Variants in FEZ1 observed in about 807,000 individuals in gnomAD.
The protein encoded by FEZ1 is fasciculation and elongation protein zeta-1.
Under a neutral mutation model 49.3 loss-of-function variants are expected in FEZ1, and 20 were observed. That is an observed-to-expected ratio of 0.41 (90% CI 0.29 to 0.59). The LOEUF (loss-of-function observed/expected upper bound fraction) is 0.59. Among genes scored for constraint, FEZ1 ranks in the 20% least tolerant of loss-of-function variants. The pLI, the probability that FEZ1 is intolerant of heterozygous loss-of-function variation, is 0.36. For synonymous variants in FEZ1, 170 were observed against 180.9 expected (o/e 0.94, Z 0.48); for missense variants, 413 against 476.0 (o/e 0.87, Z 1.23).
In FEZ1 at chr11:125,484,927, G is replaced by C. The variant is rs147380933; in HGVS notation, c.312-3294C>G. ...CCAGGGCAGGGGGAAACAGCTTTCT[G>C]TGAGGAAGAGAAAGGGAAGGGCTGT... is the stretch of plus-strand genomic sequence containing the variant. On this transcript the variant is annotated intron_variant, in intron 2 of 9. Coordinates refer to ENST00000278919, the MANE Select transcript of FEZ1 (RefSeq NM_005103.5). Among the ~76,000 whole-genome samples the C allele has an allele frequency of 6.3e-3, 964 of 152,256 alleles. 6 individuals carry two copies. The highest frequency in any genetic ancestry group is 0.01 in the Non-Finnish European group (708 of 68,016).
chr11:125,461,797 G>A (rs1957078057), intron 4 of FEZ1, among the ~76,000 whole-genome samples: 1 of 152,152 alleles, frequency 6.6e-6, no homozygotes, highest in African/African-American at 2.4e-5. Context: ...ACAGTGGGCT[G>A]GACCAAAGGT....
At chr11:125,493,425 GGAAAGAAGGAAAGAAGGAA>G (rs1957412432) in intron 1 of FEZ1, among the ~76,000 whole-genome samples, 1 of 35,112 alleles carries the variant, frequency 2.8e-5, no homozygotes, top group African/African-American at 1.6e-4. Context: ...AAAGAAAGAA[GGAAAGAAGGAAAGAAGGAA>G]AGAAGGAAAG....
In FEZ1 at chr11:125,495,106, C is replaced by T; in HGVS notation, c.-46+1015G>A. 2.9e-6 allele frequency: 1 copy of T among 345,304 alleles called. No individual in the cohort carries two copies. The highest frequency in any genetic ancestry group is 2.2e-5 in the South Asian group (1 of 45,504). 21.4% of individuals were successfully genotyped at this position (345,304 alleles called of 1,614,324 possible). A position where few individuals can be genotyped will look rare whatever the true frequency, so the allele number is the denominator to read the frequency against. ...GTTGCATATGGATCAGCAACCCCTT[C>T]GCGGTTCTGCTTGCTCCCCTCCCCC... On this transcript the variant is annotated intron_variant, in intron 1 of 9. Coordinates refer to ENST00000278919, the MANE Select transcript of FEZ1 (RefSeq NM_005103.5). This position sits in a 1 kb window ranked among gnomAD's most constrained non-coding sequence, Gnocchi z 4.2.
chr11:125,479,683 T>A (rs193095717), intron 3 of FEZ1, among the ~76,000 whole-genome samples: 9 of 152,334 alleles, frequency 5.9e-5, no homozygotes, highest in Non-Finnish European at 8.8e-5. Context: ...GGGAGCACTT[T>A]AGACCCTTCT....
chr11:125,453,677 A>C (rs1356552236), intron 7 of FEZ1: 1 of 153,218 alleles, frequency 6.5e-6, no homozygotes, highest in African/African-American at 2.4e-5. Flanking sequence ...GCTATGTCAC[A>C]GGGAAATTAC....
intron 9 of FEZ1, among the ~76,000 whole-genome samples, chr11:125,447,124 T>C (rs749713391): frequency 3.3e-5 from 5 of 152,034 alleles, no homozygotes; most frequent in Non-Finnish European, 7.3e-5. Context: ...GGAAAGACAA[T>C]CAGACAATAT....
intron 2 of FEZ1, among the ~76,000 whole-genome samples, chr11:125,484,351 G>A (rs975977335): frequency 3.3e-5 from 5 of 152,202 alleles, no homozygotes; most frequent in African/African-American, 9.6e-5. Flanking sequence ...TGGTAAAAGT[G>A]GGATTTGAAC....
intron 2 of FEZ1, among the ~76,000 whole-genome samples, chr11:125,487,825 G>A (rs940131064): frequency 6.6e-6 from 1 of 152,206 alleles, no homozygotes; most frequent in Admixed American, 6.5e-5. Flanking sequence ...CAGTGGGGCT[G>A]TAAGAGTGAA....
At position 125,442,881 on chromosome 11, in the gene FEZ1, G is replaced by GCAC. The variant is rs1226079645; in HGVS notation, c.*3213_*3214insGTG. On this transcript the variant is annotated 3_prime_UTR_variant, in exon 10 of 10. Transcript: ENST00000278919. The stretch of plus-strand genomic sequence containing the variant: ...TCCCAAGTAAGCTGGGACTACAGGC[G>GCAC]TGCACCACTACAGCTGGCTAATTTT... Among the ~76,000 whole-genome samples, 1 of 151,842 alleles carries GCAC rather than the reference G, an allele frequency of 6.6e-6. No homozygotes were observed. The highest frequency in any genetic ancestry group is 1.5e-5 in the Non-Finnish European group (1 of 67,962).
In FEZ1 at chr11:125,489,086, T is replaced by C; in HGVS notation, c.311+381A>G. 1.0e-6 allele frequency: 1 copy of C among 990,428 alleles called. No homozygotes were observed. Among genetic ancestry groups the C allele is most frequent in the Non-Finnish European group, 1.2e-6 (1 of 833,476 alleles). The allele number at this position is 990,428 out of a possible 1,614,324, so 61.4% of individuals were successfully genotyped here. A position where few individuals can be genotyped will look rare whatever the true frequency, so the allele number is the denominator to read the frequency against. On this transcript the variant is annotated intron_variant, in intron 2 of 9. Transcript: ENST00000278919. This position sits in a 1 kb window ranked among gnomAD's most constrained non-coding sequence, Gnocchi z 4.2. ...AATTCTGGTGTTTCTTGAAGCAAAT[T>C]AGTCCAATAACATAGATTCATCCAT...
In FEZ1 at chr11:125,482,702, C is replaced by T. The variant is rs568546931; in HGVS notation, c.312-1069G>A. 5.9e-5 allele frequency among the ~76,000 whole-genome samples: 9 copies of T among 152,204 alleles called. 1 individual carries two copies. The highest frequency in any genetic ancestry group is 4.2e-4 in the South Asian group (2 of 4,814). ...TAATGAGGCCGGGCGCGATGGCTCACGCCTGAAATCCAGCACTTTGGAAGG... is the reference window on the plus strand; with the variant it reads ...TAATGAGGCCGGGCGCGATGGCTCATGCCTGAAATCCAGCACTTTGGAAGG... On this transcript the variant is annotated intron_variant, in intron 2 of 9. Coordinates refer to ENST00000278919, the MANE Select transcript of FEZ1 (RefSeq NM_005103.5).
chr11:125,453,342 C>G (rs1290889528), intron 7 of FEZ1: 1 of 152,200 alleles, frequency 6.6e-6, no homozygotes, highest in South Asian at 2.1e-4. Context: ...CCATAGTTCT[C>G]ACTGCCATAA....
intron 3 of FEZ1, among the ~76,000 whole-genome samples, chr11:125,467,995 A>G (rs1748825734): frequency 6.6e-6 from 1 of 152,198 alleles, no homozygotes; most frequent in South Asian, 2.1e-4. Context: ...AGCCCCAGTA[A>G]AAGTGGTAAA....
intron 1 of FEZ1, among the ~76,000 whole-genome samples, chr11:125,490,097 G>A (rs1043702632): frequency 2.6e-5 from 4 of 152,180 alleles, no homozygotes; most frequent in Non-Finnish European, 5.9e-5. Flanking sequence ...GACTAAAGGA[G>A]TAAACACAGG....
At chr11:125,488,699 C>A (rs1055561384) in intron 2 of FEZ1, 195 of 982,612 alleles carry the variant, frequency 2.0e-4, no homozygotes, top group Non-Finnish European at 2.2e-4. Flanking sequence ...CAAAACAAAA[C>A]AAAACAAAAA....
At chr11:125,451,226 C>A (rs2135737732) in intron 8 of FEZ1, among the ~76,000 whole-genome samples, 1 of 152,238 alleles carries the variant, frequency 6.6e-6, no homozygotes, top group South Asian at 2.1e-4. Context: ...AAACTTAGTG[C>A]ATATTTATGC....
At chr11:125,454,358 A>C in intron 6 of FEZ1, 148 bp from the exon 7 acceptor site, 1 of 515,082 alleles carries the variant, frequency 1.9e-6, no homozygotes. Context: ...TTACAGAGAC[A>C]GGCCAGAATT....
intron 3 of FEZ1, among the ~76,000 whole-genome samples, chr11:125,465,301 G>A (rs1300131005): frequency 6.6e-6 from 1 of 152,180 alleles, no homozygotes; most frequent in Non-Finnish European, 1.5e-5. Flanking sequence ...TTAACTCCCT[G>A]ACTGTTAATA....
In FEZ1 at chr11:125,452,263, G is replaced by A. The variant is rs1253226724; in HGVS notation, c.1096+71C>T. On this transcript the variant is annotated intron_variant, in intron 8 of 9. Coordinates refer to ENST00000278919, the MANE Select transcript of FEZ1 (RefSeq NM_005103.5). ...TTGAGGAGTCTCGGGCCTGCGGCAC[G>A]GAGGTACAACGTACAGGCAGGAAGG... 16 of 1,037,718 alleles carry A rather than the reference G, an allele frequency of 1.5e-5. No homozygotes were observed. In the South Asian group the frequency reaches 2.0e-4, roughly 13 times the overall value. 64.3% of individuals were successfully genotyped at this position (1,037,718 alleles called of 1,614,324 possible).
Sources: allele counts gnomAD v4.1 joint callset (sites outside exome capture counted in the v4.1 genomes callset), GRCh38; gene constraint gnomAD v4.1.1; non-coding constraint Gnocchi (gnomAD v3.1); transcripts MANE v1.5; gene names NCBI Gene and HGNC (gene_info 2026-07-23, HGNC 2026-07-21).